Variants in OR1J2 observed in about 807,000 individuals in gnomAD.
OR1J2 encodes olfactory receptor family 1 subfamily J member 2, also known as olfactory receptor 1J2.
For synonymous variants in OR1J2, 142 were observed against 99.7 expected (o/e 1.42, Z -2.52); for missense variants, 304 against 246.1 (o/e 1.24, Z -1.57).
chr9:122,562,466 A>T, the OR1J2 span, among the ~76,000 whole-genome samples: 2 of 152,244 alleles, frequency 1.3e-5, no homozygotes, highest in African/African-American at 4.8e-5. Flanking sequence ...CTCAAGTGGG[A>T]TCTTCTGATC....
At chr9:122,539,965 TG>T in the OR1J2 span, among the ~76,000 whole-genome samples, 1 of 152,178 alleles carries the variant, frequency 6.6e-6, no homozygotes, top group South Asian at 2.1e-4. Flanking sequence ...TGGGGTTGTT[TG>T]TTTTTTTCTT....
At chr9:122,463,954 G>C in the OR1J2 span, among the ~76,000 whole-genome samples, 4 of 152,200 alleles carry the variant, frequency 2.6e-5, no homozygotes, top group African/African-American at 9.7e-5. Flanking sequence ...TAGCACATCA[G>C]CACATCAGTA....
the OR1J2 span, among the ~76,000 whole-genome samples, chr9:122,549,476 A>G: frequency 6.6e-6 from 1 of 152,124 alleles, no homozygotes; most frequent in Admixed American, 6.5e-5. Flanking sequence ...GTTTTCTTCT[A>G]GGATTTGTAT....
the OR1J2 span, among the ~76,000 whole-genome samples, chr9:122,500,040 T>A: frequency 1.3e-5 from 2 of 152,212 alleles, no homozygotes; most frequent in Non-Finnish European, 2.9e-5. Context: ...GTTCTGGCTG[T>A]AGAGGTCGTT....
At chr9:122,485,401 A>G in the OR1J2 span, among the ~76,000 whole-genome samples, 1 of 152,200 alleles carries the variant, frequency 6.6e-6, no homozygotes, top group East Asian at 1.9e-4. Flanking sequence ...ATCTTCATAG[A>G]TTGTAGAAAA....
chr9:122,549,913 G>T, the OR1J2 span, among the ~76,000 whole-genome samples: 1 of 152,034 alleles, frequency 6.6e-6, no homozygotes, highest in East Asian at 1.9e-4. Flanking sequence ...TTGGTATTTT[G>T]ATAGGAATTG....
the OR1J2 span, among the ~76,000 whole-genome samples, chr9:122,462,338 G>C: frequency 2.8e-3 from 431 of 152,280 alleles, no homozygotes; most frequent in African/African-American, 9.9e-3. Context: ...CTTGAAGACA[G>C]AAGATACTTG....
chr9:122,470,351 G>A, the OR1J2 span, among the ~76,000 whole-genome samples: 5 of 152,242 alleles, frequency 3.3e-5, no homozygotes, highest in African/African-American at 9.6e-5. Flanking sequence ...AGCCTTGGCA[G>A]CTTCCATGTG....
chr9:122,484,807 T>A, the OR1J2 span, among the ~76,000 whole-genome samples: 1 of 150,686 alleles, frequency 6.6e-6, no homozygotes, highest in South Asian at 2.1e-4. Context: ...CTGAGGAGAG[T>A]GGATTGCTTG....
chr9:122,511,381 C>T lies in OR1J2; in HGVS notation c.580C>T (p.Leu194Phe), dbSNP rs1300678202. 3 of 746,382 alleles carry T rather than the reference C, an allele frequency of 4.0e-6. No individual in the cohort carries two copies. The Admixed American group carries it at 5.4e-5, about 13-fold the overall frequency. The allele number at this position is 746,382 out of a possible 1,614,324, so 46.2% of individuals were successfully genotyped here. The change falls in exon 1 of 1, where the codon CTC becomes TTC. Residue 194 changes from leucine (L) to phenylalanine (F), a missense_variant. By Grantham distance (22) the Leu-to-Phe change is conservative (BLOSUM62 0). Transcript: ENST00000335302. ...CAAGCTGTCCTGCTCAGATATCTTC[C>T]TCAATGAGCTGGTCATGTTCACAGT... ...LLKLSCSDIF[L>F]NELVMFTVGV...
the OR1J2 span, among the ~76,000 whole-genome samples, chr9:122,501,145 G>A: frequency 6.6e-6 from 1 of 152,092 alleles, no homozygotes; most frequent in African/African-American, 2.4e-5. Flanking sequence ...AGAGGCATTT[G>A]TGTATTTTAA....
At chr9:122,511,843 T>C, downstream of OR1J2, 2 of 683,986 alleles carry the variant, frequency 2.9e-6, no homozygotes, top group South Asian at 3.4e-5. Flanking sequence ...CCTGAAGCCC[T>C]AAGACAAATG....
chr9:122,528,822 T>C, the OR1J2 span, among the ~76,000 whole-genome samples: 3 of 152,194 alleles, frequency 2.0e-5, no homozygotes, highest in Admixed American at 2.0e-4. Flanking sequence ...ATTGAAAAAG[T>C]TTACACTATG....
the OR1J2 span, among the ~76,000 whole-genome samples, chr9:122,579,761 A>G: frequency 0.19 from 29,282 of 151,832 alleles, 3,439 homozygotes; most frequent in Middle Eastern, 0.27. Flanking sequence ...TAGGGAAGAA[A>G]AAATTGTCAT....
At chr9:122,503,425 T>C in the OR1J2 span, among the ~76,000 whole-genome samples, 2 of 152,234 alleles carry the variant, frequency 1.3e-5, no homozygotes, top group Non-Finnish European at 1.5e-5. Context: ...AGTTCATCCA[T>C]GGTGAGAGGA....
chr9:122,493,735 G>T, the OR1J2 span, among the ~76,000 whole-genome samples: 36 of 152,020 alleles, frequency 2.4e-4, no homozygotes, highest in African/African-American at 7.5e-4. Flanking sequence ...TCTTCTGCTG[G>T]TTGTGGGTTT....
At chr9:122,507,802 T>A (rs1173441292), upstream of OR1J2, among the ~76,000 whole-genome samples, 1 of 152,166 alleles carries the variant, frequency 6.6e-6, no homozygotes, top group East Asian at 1.9e-4. Flanking sequence ...TGGGTAGATT[T>A]GCATTTTGTC....
At chr9:122,505,138 C>T in the OR1J2 span, among the ~76,000 whole-genome samples, 1 of 152,130 alleles carries the variant, frequency 6.6e-6, no homozygotes, top group Non-Finnish European at 1.5e-5. Context: ...AAGCTGCCCG[C>T]ATATAAGCTC....
the OR1J2 span, among the ~76,000 whole-genome samples, chr9:122,555,144 TG>T: frequency 6.6e-6 from 1 of 152,196 alleles, no homozygotes; most frequent in African/African-American, 2.4e-5. Flanking sequence ...AAAAAAATGT[TG>T]CAGTGATAAC....
Sources: gnomAD v4.1 joint callset for allele counts (sites outside exome capture counted in the v4.1 genomes callset) on GRCh38, gnomAD v4.1.1 for gene constraint, MANE v1.5 for transcripts, NCBI Gene and HGNC (gene_info 2026-07-23, HGNC 2026-07-21) for gene names.